The following HDX variants were observed in gnomAD, a reference collection of about 807,000 sequenced individuals.
HDX encodes highly divergent homeobox.
A neutral mutation model predicts 45.2 loss-of-function variants in HDX; 19 were observed. The observed-to-expected ratio is 0.42, with a 90% CI of 0.29 to 0.62. HDX has a LOEUF of 0.62. HDX is among the 20% of genes least tolerant of loss of function. The pLI is 0.20. For missense variants in HDX, 532 were observed against 493.9 expected (o/e 1.08, Z -0.73); for synonymous variants, 188 against 172.8 (o/e 1.09, Z -0.69).
chrX:84,427,141 A>G (rs2039401425), intron 5 of HDX, among the ~76,000 whole-genome samples: 2 of 110,608 alleles, frequency 1.8e-5, no homozygotes, highest in South Asian at 7.5e-4. Flanking sequence ...GTTCTTTGAA[A>G]TCAAATATGT....
At chrX:84,471,767 C>G (rs946137415) in intron 3 of HDX, among the ~76,000 whole-genome samples, 32 of 110,119 alleles carry the variant, frequency 2.9e-4, no homozygotes, top group African/African-American at 1.0e-3. Context: ...CTCACTCTGA[C>G]TTTCATGAAA....
At chrX:84,323,662 G>A (rs1420622071) in intron 10 of HDX, among the ~76,000 whole-genome samples, 1 of 111,368 alleles carries the variant, frequency 9.0e-6, no homozygotes, top group African/African-American at 3.2e-5. Flanking sequence ...AGGCAGCATA[G>A]GGCACAACTA....
Position 84,459,618 on chromosome X carries a change from A to G in HDX, c.1251+8854T>C, listed in dbSNP as rs2040193932. Among the ~76,000 whole-genome samples the G allele has an allele frequency of 3.6e-5, 4 of 110,520 alleles. No individual in the cohort carries two copies. The Admixed American group carries it at 3.9e-4, about 11-fold the overall frequency. On this transcript the variant is annotated intron_variant, in intron 4 of 10. Coordinates refer to ENST00000373177, the MANE Select transcript of HDX (RefSeq NM_001177479.2). ...GTAGAGAAAATTTAGATAGACAACT[A>G]AAGATGCATTTCAGAGAACTAGAAA...
chrX:84,432,706 G>T (rs1436956226), intron 5 of HDX, among the ~76,000 whole-genome samples: 2 of 111,345 alleles, frequency 1.8e-5, no homozygotes, highest in African/African-American at 3.3e-5. Flanking sequence ...TTATTTATCA[G>T]ATAAAGGAGC....
chrX:84,479,037 T>C (rs1281679202), intron 2 of HDX, among the ~76,000 whole-genome samples: 1 of 112,131 alleles, frequency 8.9e-6, no homozygotes, highest in African/African-American at 3.2e-5. Flanking sequence ...TTGGCCAACA[T>C]GTCTGTATTA....
At chrX:84,451,659 A>T (rs191507012) in intron 4 of HDX, among the ~76,000 whole-genome samples, 39 of 111,169 alleles carry the variant, frequency 3.5e-4, no homozygotes, top group Non-Finnish European at 5.9e-4. Flanking sequence ...AAGAGGTGGG[A>T]ATTTTCTCTA....
chrX:84,337,393 A>C (rs1411118415), intron 7 of HDX, among the ~76,000 whole-genome samples: 1 of 111,496 alleles, frequency 9.0e-6, no homozygotes, highest in Non-Finnish European at 1.9e-5. Context: ...TGTTTCCACA[A>C]AGACATTGTC....
At chrX:84,358,668 G>A (rs761419046) in intron 6 of HDX, among the ~76,000 whole-genome samples, 1 of 112,063 alleles carries the variant, frequency 8.9e-6, no homozygotes, top group South Asian at 3.7e-4. Flanking sequence ...CTTATTTTGA[G>A]AATAGTATTT....
At chrX:84,493,177 C>A (rs1203774738) in intron 1 of HDX, among the ~76,000 whole-genome samples, 6 of 111,917 alleles carry the variant, frequency 5.4e-5, no homozygotes, top group Non-Finnish European at 1.1e-4. Flanking sequence ...TAAATTCCAG[C>A]ATCTTCAAAG....
At chrX:84,441,459 A>G (rs994647995) in intron 4 of HDX, among the ~76,000 whole-genome samples, 5 of 112,088 alleles carry the variant, frequency 4.5e-5, no homozygotes, top group Admixed American at 2.8e-4. Flanking sequence ...ATAGAAGTCT[A>G]TTCACTATGC....
rs1252782957 is a variant in HDX, at chrX:84,319,361, T to TA, written c.*2527dup. 9.0e-6 allele frequency: 1 copy of TA among 111,312 alleles called. No individual in the cohort carries two copies. Among genetic ancestry groups the TA allele is most frequent in the Non-Finnish European group, 1.9e-5 (1 of 52,541 alleles). 9.2% of individuals were successfully genotyped at this position (111,312 alleles called of 1,213,427 possible). On this transcript the variant is annotated 3_prime_UTR_variant, in exon 11 of 11. Transcript: ENST00000373177. ...CAAAACCAACTCCTATCTACATATGTAAAAAATATACTTTCTTCATAACAA... is the reference window on the plus strand; with the variant it reads ...CAAAACCAACTCCTATCTACATATGTAAAAAAATATACTTTCTTCATAACAA...
At chrX:84,470,456 C>T (rs1244825768) in intron 3 of HDX, among the ~76,000 whole-genome samples, 2 of 111,274 alleles carry the variant, frequency 1.8e-5, no homozygotes, top group Non-Finnish European at 3.8e-5. Flanking sequence ...AGGTGTTTAC[C>T]TTTTTAAATT....
intron 5 of HDX, among the ~76,000 whole-genome samples, chrX:84,361,891 T>C (rs1366275053): frequency 8.9e-6 from 1 of 112,236 alleles, no homozygotes; most frequent in African/African-American, 3.2e-5. Flanking sequence ...ATGTTCATTG[T>C]ATAAAATACA....
intron 5 of HDX, among the ~76,000 whole-genome samples, chrX:84,404,236 C>T (rs1418794856): frequency 9.0e-6 from 1 of 111,642 alleles, no homozygotes; most frequent in Non-Finnish European, 1.9e-5. Flanking sequence ...TAAAAAGCAT[C>T]TACAATATAC....
At chrX:84,380,601 C>T (rs968600479) in intron 5 of HDX, among the ~76,000 whole-genome samples, 1 of 111,041 alleles carries the variant, frequency 9.0e-6, no homozygotes, top group Admixed American at 9.6e-5. Flanking sequence ...ATACATCACA[C>T]CAACAGAATG....
intron 2 of HDX, among the ~76,000 whole-genome samples, chrX:84,477,112 C>T (rs2148160337): frequency 9.0e-6 from 1 of 111,294 alleles, no homozygotes; most frequent in African/African-American, 3.3e-5. Flanking sequence ...GTTTCTTTTC[C>T]TAAATGGTTC....
chrX:84,341,529 C>T (rs771674667), intron 7 of HDX, among the ~76,000 whole-genome samples: 6 of 109,829 alleles, frequency 5.5e-5, no homozygotes, highest in African/African-American at 2.0e-4. Context: ...GCTTTGCTTT[C>T]CCTTTCATTA....
chrX:84,420,492 A>C (rs1404841313), intron 5 of HDX, among the ~76,000 whole-genome samples: 1 of 111,819 alleles, frequency 8.9e-6, no homozygotes, highest in Non-Finnish European at 1.9e-5. Context: ...ATATGGGATC[A>C]AAAAATAGTC....
intron 4 of HDX, among the ~76,000 whole-genome samples, chrX:84,442,905 C>T (rs764531898): frequency 9.0e-6 from 1 of 111,173 alleles, no homozygotes; most frequent in Non-Finnish European, 1.9e-5. Context: ...AAAGATGATA[C>T]AACAAACATT....
Sources: allele counts gnomAD v4.1 joint callset (sites outside exome capture counted in the v4.1 genomes callset), GRCh38; gene constraint gnomAD v4.1.1; transcripts MANE v1.5; gene names NCBI Gene and HGNC (gene_info 2026-07-23, HGNC 2026-07-21).